NYX: variants seen among roughly 807,000 people sequenced by gnomAD.
NYX encodes nyctalopin.
For missense variants in NYX, 481 were observed against 485.4 expected, an observed-to-expected ratio of 0.99 and a Z score of 0.09; for synonymous variants, 258 against 245.7, an observed-to-expected ratio of 1.05 and a Z score of -0.47.
At chrX:41,455,412 AT>A (rs199582885) in intron 2 of NYX, among the ~76,000 whole-genome samples, 301 of 101,174 alleles carry the variant, frequency 3.0e-3, no homozygotes, top group Middle Eastern at 5.4e-3. Flanking sequence ...CAGCCTGAGG[AT>A]TTTTTTTTTT....
At chrX:41,469,263 G>GA (rs1417555501) in intron 2 of NYX, among the ~76,000 whole-genome samples, 1 of 110,576 alleles carries the variant, frequency 9.0e-6, no homozygotes, top group Admixed American at 9.8e-5. Flanking sequence ...AGGGACTTGG[G>GA]TAGGCAAGGC....
chrX:41,453,908 C>T, intron 2 of NYX, among the ~76,000 whole-genome samples: 1 of 112,831 alleles, frequency 8.9e-6, no homozygotes, highest in East Asian at 2.8e-4. Flanking sequence ...CTCTTTGAGA[C>T]CTTGCTGTCA....
Position 41,475,199 on chromosome X carries a change from C to T in NYX, c.*300C>T. ...AGGGCTTCACATCCCTTCCCCTCCC[C>T]TCCCCTTCCCCTCATCTTCCAGGCA... On this transcript the variant is annotated 3_prime_UTR_variant, in exon 3 of 3. Coordinates refer to ENST00000378220, the MANE Select transcript of NYX (RefSeq NM_001378477.3). The T allele has an allele frequency of 5.5e-6, 2 of 366,006 alleles. No individual in the cohort carries two copies. The highest frequency in any genetic ancestry group is 9.6e-6 in the Non-Finnish European group (2 of 207,818). 30.2% of individuals were successfully genotyped at this position (366,006 alleles called of 1,213,427 possible). A position where few individuals can be genotyped will look rare whatever the true frequency, so the allele number is the denominator to read the frequency against.
At chrX:41,454,399 G>A (rs1222926997) in intron 2 of NYX, among the ~76,000 whole-genome samples, 5 of 109,698 alleles carry the variant, frequency 4.6e-5, no homozygotes, top group Non-Finnish European at 9.5e-5. Context: ...TGCAACCTCC[G>A]CCTCCCGGGT....
chrX:41,453,754 C>G (rs1196603529), intron 2 of NYX, among the ~76,000 whole-genome samples: 1 of 112,567 alleles, frequency 8.9e-6, no homozygotes, highest in Non-Finnish European at 1.9e-5. Context: ...CCGTGCCAGG[C>G]CTTCATTCCT....
At chrX:41,460,169 C>CTT (rs565873921) in intron 2 of NYX, among the ~76,000 whole-genome samples, 4,867 of 93,229 alleles carry the variant, frequency 0.052, 270 homozygotes, top group African/African-American at 0.14. Context: ...TATTCTTTTT[C>CTT]TTTTTTTTTT....
At chrX:41,465,391 G>A (rs2064334466) in intron 2 of NYX, among the ~76,000 whole-genome samples, 1 of 110,600 alleles carries the variant, frequency 9.0e-6, no homozygotes, top group African/African-American at 3.3e-5. Flanking sequence ...CTTGGTTTTA[G>A]GCTTTTTAAG....
At chrX:41,453,565 C>T (rs1176892875) in intron 2 of NYX, among the ~76,000 whole-genome samples, 2 of 109,226 alleles carry the variant, frequency 1.8e-5, no homozygotes, top group African/African-American at 3.3e-5. Context: ...AAGCTATTCT[C>T]ATGCCTCAGC....
chrX:41,463,844 T>C lies in NYX; in HGVS notation c.23-9647T>C, dbSNP rs766836221. On this transcript the variant is annotated intron_variant, in intron 2 of 2. Coordinates refer to ENST00000378220, the MANE Select transcript of NYX (RefSeq NM_001378477.3). ...CATCGGCCTCCCAAAGTGCTGGGAT[T>C]ACAGGGGTGAGCCACCGTGCCGGCC... is the stretch of plus-strand genomic sequence containing the variant. Among the ~76,000 whole-genome samples, 27 of 111,876 alleles carry C rather than the reference T, an allele frequency of 2.4e-4. No homozygotes were observed. In the East Asian group the frequency reaches 7.3e-3, roughly 30 times the overall value.
In NYX at chrX:41,471,388, AGGCG is replaced by A. The variant is rs759223673; in HGVS notation, c.23-2102_23-2099del. 6.4e-3 allele frequency among the ~76,000 whole-genome samples: 720 copies of A among 112,213 alleles called. 5 individuals carry two copies. Among genetic ancestry groups the A allele is most frequent in the African/African-American group, 0.023 (702 of 30,922 alleles). ...CGGCCTCTCGAAGTGTTGGGATTAC[AGGCG>A]TGAGCCACCGCACCTGGCCCAGAGT... On this transcript the variant is annotated intron_variant, in intron 2 of 2. Transcript: ENST00000378220.
intron 2 of NYX, chrX:41,472,730 C>T (rs1358268210): frequency 6.5e-6 from 2 of 305,552 alleles, no homozygotes; most frequent in Non-Finnish European, 1.1e-5. Flanking sequence ...AGGGCAGGCC[C>T]CGAGCCGCGG....
In NYX at chrX:41,463,304, C is replaced by T. The variant is rs72626417; in HGVS notation, c.23-10187C>T. ...AATTCAATTCACCTCCCTTCTCATC[C>T]TTCATGTAATTGTTGTCATAGTTTT... On this transcript the variant is annotated intron_variant, in intron 2 of 2. Coordinates refer to ENST00000378220, the MANE Select transcript of NYX (RefSeq NM_001378477.3). 1.2e-4 allele frequency among the ~76,000 whole-genome samples: 13 copies of T among 111,972 alleles called. No individual in the cohort carries two copies. The East Asian group carries it at 3.3e-3, about 29-fold the overall frequency.
In NYX at chrX:41,473,514, G is replaced by A. The variant is rs1423350242; in HGVS notation, c.46G>A (p.Ala16Thr). Residue 16 changes from alanine to threonine, a missense_variant, in exon 3 of 3, where the codon GCC becomes ACC. Physicochemically the swap from Ala to Thr is moderately conservative, Grantham distance 58 (BLOSUM62 0). Coordinates refer to ENST00000378220, the MANE Select transcript of NYX (RefSeq NM_001378477.3). ...LHAVVLGLPSAWAVGACARAC... is the reference protein window; with the variant it reads ...LHAVVLGLPSTWAVGACARAC... ...AGCGGTGGTCCTCGGCCTGCCCAGC[G>A]CCTGGGCCGTGGGGGCCTGCGCCCG... 1 of 991,335 alleles carries A rather than the reference G, an allele frequency of 1.0e-6. No individual in the cohort carries two copies. The highest frequency in any genetic ancestry group is 1.3e-6 in the Non-Finnish European group (1 of 786,193). The allele number at this position is 991,335 out of a possible 1,213,427, so 81.7% of individuals were successfully genotyped here.
At chrX:41,458,582 C>A (rs745345449) in intron 2 of NYX, among the ~76,000 whole-genome samples, 1 of 110,161 alleles carries the variant, frequency 9.1e-6, no homozygotes, top group South Asian at 4.0e-4. Flanking sequence ...ACCTCAGCCC[C>A]TCTCCCCCTG....
intron 2 of NYX, among the ~76,000 whole-genome samples, chrX:41,457,450 C>T (rs2064303012): frequency 9.0e-6 from 1 of 111,242 alleles, no homozygotes; most frequent in Non-Finnish European, 1.9e-5. Flanking sequence ...ATTTGCCAGC[C>T]TCCAGAACTG....
chrX:41,472,227 T>C, intron 2 of NYX: 12 of 872,053 alleles, frequency 1.4e-5, no homozygotes, highest in Non-Finnish European at 2.0e-5. Flanking sequence ...ATACAGTGGC[T>C]TAGCCTCAAG....
At chrX:41,472,250 C>T (rs1297671552) in intron 2 of NYX, 25 of 1,004,082 alleles carry the variant, frequency 2.5e-5, no homozygotes, top group Non-Finnish European at 3.4e-5. Context: ...AAAAGGTGAA[C>T]AATATCTTTA....
At position 41,474,919 on chromosome X, in the gene NYX, G is replaced by T. The variant is rs779803836; in HGVS notation, c.*20G>T. 2.6e-5 allele frequency: 30 copies of T among 1,168,183 alleles called. No homozygotes were observed. The highest frequency in any genetic ancestry group is 1.9e-5 in the South Asian group (1 of 53,721). On this transcript the variant is annotated 3_prime_UTR_variant, in exon 3 of 3. Coordinates refer to ENST00000378220, the MANE Select transcript of NYX (RefSeq NM_001378477.3). ...GACTGACCTGGCCAGAGGGGGGAAA[G>T]TTTGCTTAACTGGGCTTGAGTGTGT...
chrX:41,474,145 T>C lies in NYX; in HGVS notation c.677T>C (p.Val226Ala), dbSNP rs1323637321. The C allele has an allele frequency of 8.8e-7, 1 of 1,142,496 alleles. No homozygotes were observed. Among genetic ancestry groups the C allele is most frequent in the Admixed American group, 2.7e-5 (1 of 37,050 alleles). 94.2% of individuals were successfully genotyped at this position (1,142,496 alleles called of 1,213,427 possible). A position where few individuals can be genotyped will look rare whatever the true frequency, so the allele number is the denominator to read the frequency against. ...VHAGAFGDCG[V>A]LEHLLLNDNL... ...GCTGGCGCCTTCGGGGACTGTGGCG[T>C]CCTGGAGCATCTGCTGCTCAACGAC... The change falls in exon 3 of 3, where the codon GTC (valine) becomes GCC (alanine). Residue 226 changes from valine (V) to alanine (A), a missense_variant. Physicochemically the swap from Val to Ala is moderately conservative, Grantham distance 64. Transcript: ENST00000378220.
Sources: allele counts gnomAD v4.1 joint callset (sites outside exome capture counted in the v4.1 genomes callset), GRCh38; gene constraint gnomAD v4.1.1; transcripts MANE v1.5; gene names NCBI Gene and HGNC (gene_info 2026-07-23, HGNC 2026-07-21).